Variants in RYR2 observed in about 807,000 individuals in gnomAD.
The protein encoded by RYR2 is ryanodine receptor 2.
A neutral mutation model predicts 601.1 loss-of-function variants in RYR2; 227 were observed. The observed-to-expected ratio is 0.38, with a 90% CI of 0.34 to 0.42. The LOEUF (loss-of-function observed/expected upper bound fraction) is 0.42, where lower values mean the gene tolerates loss of function less well. Among genes scored for constraint, RYR2 ranks in the 10% least tolerant of loss-of-function variants. The pLI is 1.00. For synonymous variants in RYR2, 2,223 were observed against 2,175.1 expected, an observed-to-expected ratio of 1.02 and a Z score of -0.61; for missense variants, 4,646 against 6,156.5, an observed-to-expected ratio of 0.75 and a Z score of 8.21.
intron 16 of RYR2, among the ~76,000 whole-genome samples, chr1:237,460,931 T>C (rs1572426118): frequency 6.6e-6 from 1 of 152,230 alleles, no homozygotes; most frequent in East Asian, 1.9e-4. Context: ...TATCATCCTT[T>C]CCCTTGTTAA....
At chr1:237,649,398 G>T (rs778029873) in intron 49 of RYR2, among the ~76,000 whole-genome samples, 21 of 152,120 alleles carry the variant, frequency 1.4e-4, no homozygotes, top group Admixed American at 7.9e-4. Context: ...GGATAGTATG[G>T]GCGATAACAT....
At chr1:237,392,196 A>G (rs1259514497) in intron 10 of RYR2, among the ~76,000 whole-genome samples, 1 of 152,136 alleles carries the variant, frequency 6.6e-6, no homozygotes, top group Non-Finnish European at 1.5e-5. Context: ...GTAGTTGGGA[A>G]GGGATGTGTC....
intron 1 of RYR2, among the ~76,000 whole-genome samples, chr1:237,107,307 G>A (rs1234431946): frequency 2.6e-5 from 4 of 151,442 alleles, no homozygotes; most frequent in Non-Finnish European, 2.9e-5. Context: ...GGATCACGAG[G>A]TCAGGAGATC....
intron 42 of RYR2, 96 bp from the exon 43 acceptor site, chr1:237,633,482 C>T (rs1365049312): frequency 6.9e-7 from 1 of 1,449,704 alleles, no homozygotes; most frequent in Non-Finnish European, 9.6e-7. Flanking sequence ...CACATGGACA[C>T]ACGGGGATTG....
intron 4 of RYR2, among the ~76,000 whole-genome samples, chr1:237,358,371 G>T (rs185761647): frequency 6.9e-4 from 105 of 152,118 alleles, no homozygotes; most frequent in African/African-American, 2.5e-3. Flanking sequence ...GCCCTACTTG[G>T]TACCTGGAGA....
intron 62 of RYR2, among the ~76,000 whole-genome samples, chr1:237,682,752 AG>A (rs1686004263): frequency 6.6e-6 from 1 of 152,164 alleles, no homozygotes; most frequent in Non-Finnish European, 1.5e-5. Context: ...TAATAGAAAA[AG>A]CGTTGGTAAA....
intron 88 of RYR2, among the ~76,000 whole-genome samples, chr1:237,780,709 A>C (rs1695033425): frequency 6.6e-6 from 1 of 152,222 alleles, no homozygotes; most frequent in African/African-American, 2.4e-5. Context: ...AAGCTTAATC[A>C]AATTGGTAAA....
At chr1:237,799,637 TTAC>T (rs1309220540) in intron 97 of RYR2, among the ~76,000 whole-genome samples, 1 of 152,204 alleles carries the variant, frequency 6.6e-6, no homozygotes, top group Non-Finnish European at 1.5e-5. Flanking sequence ...GGAAAAAGAT[TTAC>T]ATATAATGTC....
intron 16 of RYR2, among the ~76,000 whole-genome samples, chr1:237,457,823 A>G (rs1008403660): frequency 1.3e-5 from 2 of 151,908 alleles, no homozygotes; most frequent in Non-Finnish European, 1.5e-5. Flanking sequence ...CTCTACCCTA[A>G]CCCTCGCCTC....
intron 93 of RYR2, chr1:237,791,808 T>C (rs1239391975): frequency 1.8e-6 from 1 of 559,684 alleles, no homozygotes; most frequent in African/African-American, 1.9e-5. Flanking sequence ...GGGTGTGGCA[T>C]ACCGTATTAT....
At chr1:237,684,320 T>G (rs1304384858) in intron 62 of RYR2, among the ~76,000 whole-genome samples, 4 of 151,908 alleles carry the variant, frequency 2.6e-5, no homozygotes, top group African/African-American at 9.7e-5. Flanking sequence ...AATAACACAG[T>G]TCCTAACTTT....
intron 1 of RYR2, among the ~76,000 whole-genome samples, chr1:237,128,498 G>T (rs1671790666): frequency 6.6e-6 from 1 of 152,224 alleles, no homozygotes; most frequent in Admixed American, 6.5e-5. Flanking sequence ...TATAGCTAGA[G>T]TAGGGTGAAT....
At chr1:237,805,389 G>A (rs1443424438) in intron 98 of RYR2, among the ~76,000 whole-genome samples, 1 of 151,894 alleles carries the variant, frequency 6.6e-6, no homozygotes, top group East Asian at 1.9e-4. Flanking sequence ...GACCATCCTG[G>A]TTAACACAGT....
chr1:237,609,426 G>A (rs1677562346), intron 35 of RYR2, among the ~76,000 whole-genome samples: 1 of 143,792 alleles, frequency 7.0e-6, no homozygotes, highest in Admixed American at 7.5e-5. Context: ...CTGGAGTGCA[G>A]TGACACGATC....
intron 98 of RYR2, 149 bp from the exon 99 acceptor site, chr1:237,805,988 T>G: frequency 1.6e-6 from 1 of 642,342 alleles, no homozygotes; most frequent in Non-Finnish European, 2.6e-6. Context: ...TACTTTTTAC[T>G]TCCATGAGAT....
At chr1:237,232,536 A>G (rs1216416594) in intron 1 of RYR2, among the ~76,000 whole-genome samples, 2 of 152,194 alleles carry the variant, frequency 1.3e-5, no homozygotes, top group Non-Finnish European at 2.9e-5. Flanking sequence ...ACAATAAACC[A>G]GTAAATATAA....
intron 1 of RYR2, among the ~76,000 whole-genome samples, chr1:237,135,658 G>A (rs1157512702): frequency 1.3e-5 from 2 of 151,890 alleles, no homozygotes; most frequent in African/African-American, 2.4e-5. Flanking sequence ...TTAGAGGCAT[G>A]AGCCACCGCG....
intron 47 of RYR2, among the ~76,000 whole-genome samples, chr1:237,641,344 A>T (rs752136339): frequency 1.3e-5 from 2 of 152,130 alleles, no homozygotes; most frequent in Non-Finnish European, 2.9e-5. Context: ...AACTGCTCCT[A>T]CCAAAAGTCA....
intron 34 of RYR2, among the ~76,000 whole-genome samples, chr1:237,595,905 T>C (rs1675844547): frequency 6.6e-6 from 1 of 152,068 alleles, no homozygotes; most frequent in South Asian, 2.1e-4. Flanking sequence ...CAAATGCCTG[T>C]AGCGAGACCA....
Sources: allele counts gnomAD v4.1 joint callset (sites outside exome capture counted in the v4.1 genomes callset), GRCh38; gene constraint gnomAD v4.1.1; transcripts MANE v1.5; gene names NCBI Gene and HGNC (gene_info 2026-07-23, HGNC 2026-07-21).